The following CLTRN variants were observed in gnomAD, a reference collection of about 807,000 sequenced individuals.
CLTRN encodes the protein collectrin, amino acid transport regulator.
A neutral mutation model predicts 14.5 loss-of-function variants in CLTRN; 12 were observed. That is an observed-to-expected ratio of 0.83 (90% CI 0.53 to 1.34). The LOEUF is 1.34. Among genes scored for constraint, CLTRN ranks in the 40% most tolerant of loss-of-function variants. The pLI, the probability that CLTRN is intolerant of heterozygous loss-of-function variation, is 0.00. For synonymous variants in CLTRN, 58 were observed against 56.5 expected, an observed-to-expected ratio of 1.03 and a Z score of -0.12; for missense variants, 154 against 165.1, an observed-to-expected ratio of 0.93 and a Z score of 0.37.
rs1427741549 is a variant in CLTRN at position 15,649,066 on chromosome X, T to C, written c.204-4037A>G. 3.6e-5 allele frequency among the ~76,000 whole-genome samples: 4 copies of C among 111,480 alleles called. No individual in the cohort carries two copies. The South Asian group carries it at 1.1e-3, about 31-fold the overall frequency. The stretch of plus-strand genomic sequence containing the variant: ...ATTACAGAGCCATAGAATACAGCTG[T>C]AAACAAAGCAAAATCCTTTATCTCA... On this transcript the variant is annotated intron_variant, in intron 3 of 5. Coordinates refer to ENST00000380342, the MANE Select transcript of CLTRN (RefSeq NM_020665.6).
intron 1 of CLTRN, among the ~76,000 whole-genome samples, chrX:15,671,523 A>G (rs915532311): frequency 1.8e-5 from 2 of 111,691 alleles, no homozygotes; most frequent in Non-Finnish European, 3.8e-5. Context: ...CTTAGAGGTC[A>G]GAGAGTCTGG....
intron 3 of CLTRN, among the ~76,000 whole-genome samples, chrX:15,647,848 GAAAAC>G (rs1329029421): frequency 1.7e-5 from 1 of 57,680 alleles, no homozygotes; most frequent in East Asian, 4.5e-4. Context: ...ATGCTGGACA[GAAAAC>G]ATTTTCACCA....
chrX:15,671,213 G>A (rs998147979), intron 1 of CLTRN, among the ~76,000 whole-genome samples: 2 of 111,539 alleles, frequency 1.8e-5, no homozygotes, highest in African/African-American at 3.3e-5. Context: ...TAGGAACACT[G>A]GAGAAAAAGA....
At chrX:15,653,044 G>A (rs749007103) in intron 3 of CLTRN, among the ~76,000 whole-genome samples, 203 of 111,410 alleles carry the variant, frequency 1.8e-3, no homozygotes, top group African/African-American at 6.1e-3. Context: ...TGGCGCCACT[G>A]CACTCCACCC....
At chrX:15,655,280 C>G (rs963548754) in intron 3 of CLTRN, among the ~76,000 whole-genome samples, 5 of 112,377 alleles carry the variant, frequency 4.4e-5, no homozygotes, top group African/African-American at 1.6e-4. Flanking sequence ...CTTCCTGGAC[C>G]TGGGTCCTTG....
chrX:15,644,158 G>C (rs1929004374), intron 4 of CLTRN, among the ~76,000 whole-genome samples: 2 of 112,142 alleles, frequency 1.8e-5, no homozygotes, highest in African/African-American at 6.5e-5. Context: ...TAAAATACTT[G>C]AAATGGGCAA....
chrX:15,673,947 C>A (rs905380452), intron 1 of CLTRN, among the ~76,000 whole-genome samples: 20 of 112,451 alleles, frequency 1.8e-4, no homozygotes, highest in Non-Finnish European at 1.1e-4. Context: ...CTAATTAGAA[C>A]AACAAACCAG....
intron 3 of CLTRN, among the ~76,000 whole-genome samples, chrX:15,654,563 A>ACT (rs781091918): frequency 2.7e-5 from 3 of 112,657 alleles, no homozygotes; most frequent in Non-Finnish European, 5.6e-5. Context: ...AACCTCAAGT[A>ACT]ACCTCAACTA....
chrX:15,634,535 C>T (rs937269407), intron 5 of CLTRN, among the ~76,000 whole-genome samples: 57 of 110,357 alleles, frequency 5.2e-4, no homozygotes, highest in Non-Finnish European at 9.3e-4. Flanking sequence ...AACTAACACA[C>T]CTACTTCTAG....
At chrX:15,667,711 T>C (rs1488472869), upstream of CLTRN, among the ~76,000 whole-genome samples, 1 of 111,648 alleles carries the variant, frequency 9.0e-6, no homozygotes, top group Non-Finnish European at 1.9e-5. Context: ...CTGTGTTTTG[T>C]TGTTGTTTGT....
At chrX:15,645,118 G>A in intron 3 of CLTRN, 89 bp from the exon 4 acceptor site, 1 of 484,871 alleles carries the variant, frequency 2.1e-6, no homozygotes, top group Non-Finnish European at 3.4e-6. Context: ...ACTATCTTAA[G>A]AGACATCTTA....
chrX:15,666,470 C>G (rs952342910), upstream of CLTRN, among the ~76,000 whole-genome samples: 19 of 112,025 alleles, frequency 1.7e-4, no homozygotes, highest in African/African-American at 4.9e-4. Context: ...GATTGGGTGA[C>G]TCTGGTGTTA....
chrX:15,638,828 G>A (rs903176826), intron 5 of CLTRN, among the ~76,000 whole-genome samples: 1 of 111,763 alleles, frequency 8.9e-6, no homozygotes, highest in Non-Finnish European at 1.9e-5. Flanking sequence ...CTAGGTAAAC[G>A]AACTCAAGAA....
intron 5 of CLTRN, among the ~76,000 whole-genome samples, chrX:15,630,963 A>C (rs1285029157): frequency 1.8e-5 from 2 of 112,305 alleles, no homozygotes; most frequent in African/African-American, 6.5e-5. Flanking sequence ...ATAACCATCA[A>C]TCACATCACT....
chrX:15,651,975 G>C (rs1311071162), intron 3 of CLTRN, among the ~76,000 whole-genome samples: 1 of 112,255 alleles, frequency 8.9e-6, no homozygotes, highest in East Asian at 2.8e-4. Flanking sequence ...GAAGAATCCT[G>C]AATATACTGT....
chrX:15,660,879 T>A (rs1025818685), intron 2 of CLTRN, among the ~76,000 whole-genome samples: 3 of 111,994 alleles, frequency 2.7e-5, no homozygotes, highest in African/African-American at 9.7e-5. Context: ...TTTTCTCATA[T>A]GCAAATGTTA....
chrX:15,644,880 G>A (rs752022541), intron 4 of CLTRN, 36 bp downstream of exon 4: 3 of 917,651 alleles, frequency 3.3e-6, no homozygotes, highest in Non-Finnish European at 3.1e-6. Context: ...TCAGCAAGTT[G>A]ATTGACTAAT....
chrX:15,649,770 G>A (rs1929172816), intron 3 of CLTRN, among the ~76,000 whole-genome samples: 1 of 110,782 alleles, frequency 9.0e-6, no homozygotes, highest in Non-Finnish European at 1.9e-5. Flanking sequence ...TCAGTACCAA[G>A]TAAGAAACAC....
At chrX:15,644,685 C>T (rs182209320) in intron 4 of CLTRN, among the ~76,000 whole-genome samples, 14 of 111,739 alleles carry the variant, frequency 1.3e-4, no homozygotes, top group South Asian at 3.7e-4. Context: ...CCAGACATTG[C>T]GAAATGTCTC....
Sources: allele counts gnomAD v4.1 joint callset (sites outside exome capture counted in the v4.1 genomes callset), GRCh38; gene constraint gnomAD v4.1.1; transcripts MANE v1.5; gene names NCBI Gene and HGNC (gene_info 2026-07-23, HGNC 2026-07-21).